Variants in LRIG1 observed in about 807,000 individuals in gnomAD.
LRIG1 encodes the protein leucine rich repeats and immunoglobulin like domains 1.
Under a neutral mutation model 99.2 loss-of-function variants are expected in LRIG1, and 48 were observed. The ratio of observed to expected loss-of-function variants is 0.48; its 90% CI spans 0.38 to 0.62. LRIG1 has a LOEUF of 0.62. LRIG1 is among the 20% of genes least tolerant of loss of function. The pLI is 0.00. For synonymous variants in LRIG1, 772 were observed against 596.1 expected, an observed-to-expected ratio of 1.29 and a Z score of -4.30; for missense variants, 1,646 against 1,434.4, an observed-to-expected ratio of 1.15 and a Z score of -2.38.
intron 6 of LRIG1, among the ~76,000 whole-genome samples, chr3:66,410,721 G>A (rs935261631): frequency 6.6e-6 from 1 of 152,210 alleles, no homozygotes. Flanking sequence ...GGGCACAGGA[G>A]TTCCAGGCAA....
intron 1 of LRIG1, among the ~76,000 whole-genome samples, chr3:66,487,158 T>C (rs561815567): frequency 2.6e-5 from 4 of 152,314 alleles, no homozygotes; most frequent in East Asian, 3.9e-4. Flanking sequence ...ATTTTTGTTT[T>C]AGGTCAAATA....
At position 66,412,904 on chromosome 3, in the gene LRIG1, C is replaced by G. The variant is rs1258545853; in HGVS notation, c.758G>C (p.Gly253Ala). ...QRNNISKLTD[G>A]AFWGLSKMHV... ...CATCTTGGACAGTCCCCAGAAGGCC[C>G]CATCTGTCAGTTTGCTGATGTTGTT... Residue 253 changes from glycine (G) to alanine (A), a missense_variant, in exon 6 of 19, where the codon GGG becomes GCG. Coordinates refer to ENST00000273261, the MANE Select transcript of LRIG1 (RefSeq NM_015541.3). 6.2e-7 allele frequency: 1 copy of G among 1,614,102 alleles called. No homozygotes were observed. Among genetic ancestry groups the G allele is most frequent in the Non-Finnish European group, 8.5e-7 (1 of 1,180,042 alleles).
intron 3 of LRIG1, among the ~76,000 whole-genome samples, chr3:66,424,210 TC>T (rs1294375844): frequency 6.6e-6 from 1 of 152,052 alleles, no homozygotes; most frequent in Non-Finnish European, 1.5e-5. Context: ...TCTGACAGAT[TC>T]CCCAGCATCT....
At chr3:66,423,551 A>C (rs1381015195) in intron 3 of LRIG1, among the ~76,000 whole-genome samples, 1 of 152,246 alleles carries the variant, frequency 6.6e-6, no homozygotes, top group Non-Finnish European at 1.5e-5. Context: ...AGCCTGGGCA[A>C]CAAGAGCAAA....
At chr3:66,486,510 T>C (rs573390068) in intron 1 of LRIG1, among the ~76,000 whole-genome samples, 132 of 152,326 alleles carry the variant, frequency 8.7e-4, no homozygotes, top group African/African-American at 3.1e-3. Context: ...TGCACTGCTC[T>C]GGGCTTTTCA....
intron 1 of LRIG1, among the ~76,000 whole-genome samples, chr3:66,490,116 G>A (rs1478215372): frequency 3.3e-5 from 5 of 152,190 alleles, no homozygotes; most frequent in Non-Finnish European, 7.4e-5. Flanking sequence ...CCATAGAAGA[G>A]TCTCTGATTT....
At chr3:66,460,660 G>C (rs556398493) in intron 2 of LRIG1, among the ~76,000 whole-genome samples, 2 of 152,202 alleles carry the variant, frequency 1.3e-5, no homozygotes, top group Non-Finnish European at 2.9e-5. Flanking sequence ...CCTGCTTCCA[G>C]ACTGTGAGAA....
chr3:66,393,146 A>G (rs192725001), intron 12 of LRIG1, among the ~76,000 whole-genome samples: 1 of 152,308 alleles, frequency 6.6e-6, no homozygotes, highest in South Asian at 2.1e-4. Flanking sequence ...CTATGGCCAG[A>G]AAGTAGGAGA....
At chr3:66,429,106 C>CA (rs1703073257) in intron 3 of LRIG1, among the ~76,000 whole-genome samples, 1 of 152,224 alleles carries the variant, frequency 6.6e-6, no homozygotes, top group South Asian at 2.1e-4. Flanking sequence ...CCTTTAGGGT[C>CA]ACCCTCCCCT....
At chr3:66,438,673 C>T (rs1487174942) in intron 3 of LRIG1, among the ~76,000 whole-genome samples, 6 of 152,174 alleles carry the variant, frequency 3.9e-5, no homozygotes, top group African/African-American at 7.2e-5. Flanking sequence ...CCTTGGGTTA[C>T]GTCCCGACAA....
At chr3:66,414,802 T>C (rs990180943) in intron 5 of LRIG1, 118 bp downstream of exon 5, 1 of 1,048,538 alleles carries the variant, frequency 9.5e-7, no homozygotes, top group Non-Finnish European at 1.3e-6. Context: ...TGGTAATTTA[T>C]GGAGAGCTTT....
chr3:66,405,981 T>C, intron 8 of LRIG1: 11 of 993,424 alleles, frequency 1.1e-5, no homozygotes, highest in Non-Finnish European at 1.3e-5. Context: ...AGGCGAGACA[T>C]CACACCTGGA....
chr3:66,440,477 G>A (rs892473582), intron 3 of LRIG1, among the ~76,000 whole-genome samples: 8 of 152,118 alleles, frequency 5.3e-5, no homozygotes, highest in African/African-American at 1.9e-4. Flanking sequence ...CATATACGAG[G>A]GTTTTCTGTA....
intron 1 of LRIG1, among the ~76,000 whole-genome samples, chr3:66,479,748 C>CA (rs1436258192): frequency 6.6e-6 from 1 of 152,120 alleles, no homozygotes; most frequent in Non-Finnish European, 1.5e-5. Context: ...CACAAGATAC[C>CA]ACAACACACC....
intron 11 of LRIG1, among the ~76,000 whole-genome samples, chr3:66,395,791 G>A (rs575055038): frequency 3.3e-5 from 5 of 152,304 alleles, no homozygotes; most frequent in African/African-American, 1.2e-4. Flanking sequence ...GGGGGTCAGG[G>A]CTGGCTGCGC....
At chr3:66,498,900 C>G (rs1036332336) in intron 1 of LRIG1, among the ~76,000 whole-genome samples, 5 of 152,172 alleles carry the variant, frequency 3.3e-5, no homozygotes, top group Non-Finnish European at 7.3e-5. Flanking sequence ...CTTCCCTTCA[C>G]GGTAGTCAGA....
chr3:66,422,812 A>T (rs897794142), intron 3 of LRIG1, among the ~76,000 whole-genome samples: 5 of 152,248 alleles, frequency 3.3e-5, no homozygotes, highest in African/African-American at 1.2e-4. Flanking sequence ...GCAATTTACA[A>T]AAGAAAGAGA....
chr3:66,418,075 G>T (rs1236640823), intron 3 of LRIG1, among the ~76,000 whole-genome samples: 1 of 150,974 alleles, frequency 6.6e-6, no homozygotes, highest in Non-Finnish European at 1.5e-5. Context: ...ACTGTAACTT[G>T]TGTTTTTTTT....
Position 66,380,255 on chromosome 3 carries a change from G to T in LRIG1, c.*8C>A, listed in dbSNP as rs11553627. 7 of 1,607,014 alleles carry T rather than the reference G, an allele frequency of 4.4e-6. No homozygotes were observed. The highest frequency in any genetic ancestry group is 6.0e-6 in the Non-Finnish European group (7 of 1,175,744). On this transcript the variant is annotated 3_prime_UTR_variant, in exon 19 of 19. Transcript: ENST00000273261. ...GATTGGTATGACAAGAACTGAGGTA[G>T]ACAAAACCTAGCTTTTTGGTGCCAA...
Sources: gnomAD v4.1 joint callset for allele counts (sites outside exome capture counted in the v4.1 genomes callset) on GRCh38, gnomAD v4.1.1 for gene constraint, MANE v1.5 for transcripts, NCBI Gene and HGNC (gene_info 2026-07-23, HGNC 2026-07-21) for gene names.